CDH20: variants seen among roughly 807,000 people sequenced by gnomAD.
CDH20 encodes the protein cadherin 20, also known as cadherin-20.
Under a neutral mutation model 74.2 loss-of-function variants are expected in CDH20, and 29 were observed. That is an observed-to-expected ratio of 0.39 (90% CI 0.29 to 0.53). CDH20 has a LOEUF of 0.53. CDH20 is among the 20% of genes least tolerant of loss of function. The pLI, the probability that CDH20 is intolerant of heterozygous loss-of-function variation, is 0.69. For synonymous variants in CDH20, 469 were observed against 405.4 expected (o/e 1.16, Z -1.88); for missense variants, 988 against 1,048.3 (o/e 0.94, Z 0.79).
intron 1 of CDH20, among the ~76,000 whole-genome samples, chr18:61,411,331 T>C (rs1912494103): frequency 6.6e-6 from 1 of 152,170 alleles, no homozygotes; most frequent in African/African-American, 2.4e-5. Context: ...ACAGCCACTA[T>C]GGAAAACAGT....
At chr18:61,412,449 G>C (rs867311172) in intron 1 of CDH20, among the ~76,000 whole-genome samples, 2 of 152,066 alleles carry the variant, frequency 1.3e-5, no homozygotes, top group African/African-American at 4.8e-5. Context: ...CACATATCTT[G>C]TTACTCTTCT....
chr18:61,527,987 G>A lies in CDH20; in HGVS notation c.1038G>A (p.Lys346=). The A allele has an allele frequency of 1.9e-6, 3 of 1,614,054 alleles. No individual in the cohort carries two copies. The highest frequency in any genetic ancestry group is 1.6e-4 in the Middle Eastern group (1 of 6,062). Residue 346 remains lysine (K), a synonymous_variant, in exon 7 of 12, where the codon AAG becomes AAA. Coordinates refer to ENST00000262717, the MANE Select transcript of CDH20 (RefSeq NM_031891.4). ...TTCAGCCCCTGAGTTTTGAAAGCAA[G>A]AAAAGCTACACCTTAAAGGTGGAGG... ...TVKKPLSFES[K]KSYTLKVEGA...
At chr18:61,549,925 A>C in intron 10 of CDH20, 53 bp from the exon 11 acceptor site, 1 of 1,580,726 alleles carries the variant, frequency 6.3e-7, no homozygotes, top group Non-Finnish European at 8.6e-7. Flanking sequence ...TCCTCAATCC[A>C]AGAAATTAAT....
At chr18:61,338,208 C>T (rs1909819316) in intron 1 of CDH20, among the ~76,000 whole-genome samples, 1 of 152,068 alleles carries the variant, frequency 6.6e-6, no homozygotes, top group African/African-American at 2.4e-5. Flanking sequence ...CAAAATTTTG[C>T]TTTAAAAAAT....
rs555882236 is a variant in CDH20 at position 61,448,534 on chromosome 18, G to A, written c.-152-41868G>A. 2.2e-4 allele frequency among the ~76,000 whole-genome samples: 33 copies of A among 152,282 alleles called. 2 individuals are homozygous for A. In the East Asian group the frequency reaches 6.2e-3, roughly 29 times the overall value. On this transcript the variant is annotated intron_variant, in intron 1 of 11. Coordinates refer to ENST00000262717, the MANE Select transcript of CDH20 (RefSeq NM_031891.4). ...TTCAGGAAGTGCGACTGTGGCAGGA[G>A]GAAGTTAAACTAGTTGTTATTTATT... is the stretch of plus-strand genomic sequence containing the variant.
At chr18:61,372,892 A>AT (rs1911090383) in intron 1 of CDH20, among the ~76,000 whole-genome samples, 1 of 152,102 alleles carries the variant, frequency 6.6e-6, no homozygotes, top group Admixed American at 6.6e-5. Flanking sequence ...CAAGTTGTAT[A>AT]TTCTCTGTCC....
chr18:61,365,133 C>G (rs559038800), intron 1 of CDH20, among the ~76,000 whole-genome samples: 1 of 152,326 alleles, frequency 6.6e-6, no homozygotes, highest in East Asian at 1.9e-4. Flanking sequence ...GGAGCAGACA[C>G]TGTCCTTCAT....
In CDH20 at chr18:61,490,662, C is replaced by T. The variant is rs766694854; in HGVS notation, c.109C>T (p.Pro37Ser). ...TACGACCACCGTTCTCTCGGACACC[C>T]CAACACCACAAGGTGAATTAGAAGC... ...DLTTTVLSDT[P>S]TPQGELEALL... is the part of the protein sequence containing the mutation. Residue 37 changes from proline (P) to serine (S), a missense_variant, in exon 2 of 12, where the codon CCA becomes TCA. Around this residue, in one of 2 missense-constraint regions of CDH20, gnomAD observed 613 missense variants for 755.2 expected, o/e 0.81. Coordinates refer to ENST00000262717, the MANE Select transcript of CDH20 (RefSeq NM_031891.4). The T allele has an allele frequency of 2.5e-6, 4 of 1,614,074 alleles. No individual in the cohort carries two copies. The highest frequency in any genetic ancestry group is 2.2e-5 in the South Asian group (2 of 91,076).
intron 8 of CDH20, among the ~76,000 whole-genome samples, chr18:61,538,613 TG>T (rs1299714325): frequency 0.036 from 1,706 of 47,198 alleles, 240 homozygotes; most frequent in East Asian, 0.3. Flanking sequence ...TTTTTGTTTT[TG>T]TTTTTGTTTT....
intron 1 of CDH20, among the ~76,000 whole-genome samples, chr18:61,481,464 T>C (rs1300993012): frequency 6.6e-6 from 1 of 152,198 alleles, no homozygotes. Flanking sequence ...ATGTCCTGAT[T>C]CCAAATGATA....
intron 1 of CDH20, among the ~76,000 whole-genome samples, chr18:61,470,390 C>A (rs75919112): frequency 0.014 from 2,118 of 152,224 alleles, 50 homozygotes; most frequent in African/African-American, 0.049. Context: ...GGAAAGGAAC[C>A]GATAAGCCTG....
At chr18:61,542,268 G>A (rs1322254432) in intron 9 of CDH20, among the ~76,000 whole-genome samples, 1 of 152,192 alleles carries the variant, frequency 6.6e-6, no homozygotes, top group Non-Finnish European at 1.5e-5. Context: ...AGGATTGGCT[G>A]TGAGCAAGTT....
chr18:61,400,048 T>C (rs919330711), intron 1 of CDH20, among the ~76,000 whole-genome samples: 1 of 152,196 alleles, frequency 6.6e-6, no homozygotes. Context: ...ATAAGCCTAT[T>C]GAGAACAGAA....
chr18:61,508,087 T>C (rs954849873), intron 6 of CDH20, among the ~76,000 whole-genome samples: 1 of 152,238 alleles, frequency 6.6e-6, no homozygotes. Flanking sequence ...TCCTTTGTTT[T>C]ATAAGGTACC....
At chr18:61,399,463 AT>A (rs1912088874) in intron 1 of CDH20, among the ~76,000 whole-genome samples, 1 of 152,174 alleles carries the variant, frequency 6.6e-6, no homozygotes, top group African/African-American at 2.4e-5. Context: ...TGTCAATATT[AT>A]GATTCATTTT....
At chr18:61,496,149 CT>C (rs1911142345) in intron 2 of CDH20, among the ~76,000 whole-genome samples, 1 of 54,750 alleles carries the variant, frequency 1.8e-5, no homozygotes, top group Non-Finnish European at 3.9e-5. Context: ...TCCTCTCCTC[CT>C]CTCTCCTCCC....
intron 1 of CDH20, among the ~76,000 whole-genome samples, chr18:61,395,893 C>G (rs1330262339): frequency 6.6e-6 from 1 of 152,084 alleles, no homozygotes; most frequent in East Asian, 1.9e-4. Context: ...ATTAGTTGGG[C>G]GTGGTGGCAC....
rs1910927197 is a variant in CDH20 at position 61,490,665 on chromosome 18, A to G, written c.112A>G (p.Thr38Ala). 5 of 1,613,972 alleles carry G rather than the reference A, an allele frequency of 3.1e-6. No homozygotes were observed. Among genetic ancestry groups the G allele is most frequent in the Non-Finnish European group, 4.2e-6 (5 of 1,180,028 alleles). The change falls in exon 2 of 12, where the codon ACA (threonine) becomes GCA (alanine). Residue 38 changes from threonine to alanine, a missense_variant. By Grantham distance (58) the Thr-to-Ala change is moderately conservative. Coordinates refer to ENST00000262717, the MANE Select transcript of CDH20 (RefSeq NM_031891.4). ...GACCACCGTTCTCTCGGACACCCCA[A>G]CACCACAAGGTGAATTAGAAGCACT... ...LTTTVLSDTP[T>A]PQGELEALLS...
At chr18:61,381,337 T>C (rs1381486002) in intron 1 of CDH20, among the ~76,000 whole-genome samples, 27 of 152,222 alleles carry the variant, frequency 1.8e-4, no homozygotes. Context: ...GGCATTTTAC[T>C]TGGGTACTCA....
Sources: gnomAD v4.1 joint callset for allele counts (sites outside exome capture counted in the v4.1 genomes callset) on GRCh38, gnomAD v4.1.1 for gene constraint, gnomAD v4.1.1 regional missense constraint, MANE v1.5 for transcripts, NCBI Gene and HGNC (gene_info 2026-07-23, HGNC 2026-07-21) for gene names.